The following NCBP3 variants were observed in gnomAD, a reference collection of about 807,000 sequenced individuals.
The protein encoded by NCBP3 is nuclear cap-binding protein subunit 3.
Under a neutral mutation model 75.7 loss-of-function variants are expected in NCBP3, and 20 were observed. The ratio of observed to expected loss-of-function variants is 0.26; its 90% confidence interval spans 0.19 to 0.38. The LOEUF (loss-of-function observed/expected upper bound fraction) is 0.38, where lower values mean the gene tolerates loss of function less well. Ranked by LOEUF, NCBP3 falls within the 10% of genes least tolerant of loss-of-function variation. The probability of loss-of-function intolerance (pLI) is 1.00; values close to 1 mark genes in which losing one functional copy is unlikely to be tolerated. For synonymous variants in NCBP3, 293 were observed against 290.5 expected, an observed-to-expected ratio of 1.01 and a Z score of -0.09; for missense variants, 678 against 796.9, an observed-to-expected ratio of 0.85 and a Z score of 1.80.
chr17:3,816,069 T>C lies in NCBP3; in HGVS notation c.1465+47A>G, dbSNP rs766928247. On this transcript the variant is annotated intron_variant, in intron 11 of 12. Transcript: ENST00000389005. Reference sequence around the variant, plus strand: ...GGAACCTCTCTCTGCCCCAGTCTGCTTTCCGGAGCTCAGAATCCAGCCAGG... The same window carrying C: ...GGAACCTCTCTCTGCCCCAGTCTGCCTTCCGGAGCTCAGAATCCAGCCAGG... 13 of 1,580,902 alleles carry C rather than the reference T, an allele frequency of 8.2e-6. No individual in the cohort carries two copies. In the African/African-American group the frequency reaches 1.4e-4, roughly 16 times the overall value.
intron 10 of NCBP3, among the ~76,000 whole-genome samples, chr17:3,817,412 C>T (rs932529797): frequency 6.6e-6 from 1 of 152,018 alleles, no homozygotes; most frequent in Non-Finnish European, 1.5e-5. Flanking sequence ...AGGTGGATCA[C>T]GAGGTCAGGA....
intron 2 of NCBP3, among the ~76,000 whole-genome samples, chr17:3,841,243 A>G (rs761386120): frequency 7.9e-5 from 12 of 152,120 alleles, no homozygotes; most frequent in Non-Finnish European, 1.5e-4. Flanking sequence ...CCAAAGTGCC[A>G]GGATTACAGA....
Position 3,826,156 on chromosome 17 carries a change from G to C in NCBP3, c.541C>G (p.Leu181Val), listed in dbSNP as rs776834659. ...CTTCTGATCTTATCCTGTGCAGGCA[G>C]GGAGCTCATATTGATAAGTGCTCGT... is the stretch of plus-strand genomic sequence containing the variant. ...ATRALINMSS[L>V]PAQDKIRSRD... Residue 181 changes from leucine to valine, a missense_variant, in exon 5 of 13, where the codon CTG becomes GTG. Physicochemically the swap from Leu to Val is conservative, Grantham distance 32. Transcript: ENST00000389005. 1 of 1,551,602 alleles carries C rather than the reference G, an allele frequency of 6.4e-7. No homozygotes were observed. The highest frequency in any genetic ancestry group is 8.7e-7 in the Non-Finnish European group (1 of 1,146,936).
intron 1 of NCBP3, 143 bp from the exon 2 acceptor site, chr17:3,843,294 G>A (rs1477649922): frequency 3.2e-5 from 21 of 664,532 alleles, no homozygotes; most frequent in African/African-American, 1.3e-4. Flanking sequence ...TGCCCAGGCC[G>A]GAGTGCAGTA....
rs564350539 is a variant in NCBP3, at chr17:3,846,217, C to T, written c.7G>A (p.Ala3Thr). MA[A>T]VRGLRVSVKA... The stretch of plus-strand genomic sequence containing the variant: ...ACCGACACCCGCAGGCCCCGTACGG[C>T]CGCCATCGCTGCCTGCCGGCCGCAC... Residue 3 changes from alanine to threonine, a missense_variant, in exon 1 of 13, where the codon GCC becomes ACC. Ala to Thr is a moderately conservative substitution (Grantham distance 58). Transcript: ENST00000389005. The surrounding 1 kb of genome is among the most constrained non-coding windows in gnomAD (Gnocchi z 4.6). The T allele has an allele frequency of 1.3e-4, 181 of 1,437,878 alleles. No individual in the cohort carries two copies. The highest frequency in any genetic ancestry group is 4.9e-4 in the Middle Eastern group (2 of 4,070). 89.1% of individuals were successfully genotyped at this position (1,437,878 alleles called of 1,614,324 possible). A position where few individuals can be genotyped will look rare whatever the true frequency, so the allele number is the denominator to read the frequency against.
intron 9 of NCBP3, among the ~76,000 whole-genome samples, chr17:3,820,345 A>G (rs1219090302): frequency 1.3e-5 from 2 of 152,244 alleles, no homozygotes; most frequent in Non-Finnish European, 2.9e-5. Context: ...TCCCCATTAC[A>G]ATGATAAATG....
chr17:3,822,151 C>T (rs1248488199), intron 7 of NCBP3, 99 bp from the exon 8 acceptor site: 19 of 795,134 alleles, frequency 2.4e-5, no homozygotes, highest in East Asian at 7.5e-5. Context: ...ATCAGATCAG[C>T]GCAATTTGCC....
At chr17:3,816,057 G>C in intron 11 of NCBP3, 59 bp downstream of exon 11, 1 of 1,542,368 alleles carries the variant, frequency 6.5e-7, no homozygotes, top group Non-Finnish European at 8.8e-7. Context: ...ACCTCTCTCT[G>C]CCCCAGTCTG....
At chr17:3,820,773 A>T (rs892858147) in intron 9 of NCBP3, among the ~76,000 whole-genome samples, 3 of 152,130 alleles carry the variant, frequency 2.0e-5, no homozygotes, top group Non-Finnish European at 4.4e-5. Flanking sequence ...TCTACTAAAA[A>T]TACAAAAGTT....
At chr17:3,825,944 T>C in intron 5 of NCBP3, 101 bp from the exon 6 acceptor site, 1 of 1,404,656 alleles carries the variant, frequency 7.1e-7, no homozygotes, top group Non-Finnish European at 9.8e-7. Context: ...TCCAGTATTT[T>C]CTCCTATTTC....
intron 7 of NCBP3, among the ~76,000 whole-genome samples, chr17:3,823,230 G>C (rs1206805587): frequency 6.6e-6 from 1 of 152,162 alleles, no homozygotes; most frequent in Non-Finnish European, 1.5e-5. Flanking sequence ...AGAATTGCTT[G>C]AACCCAGGAG....
intron 3 of NCBP3, among the ~76,000 whole-genome samples, chr17:3,838,351 G>A (rs2054011196): frequency 2.0e-5 from 3 of 152,244 alleles, no homozygotes; most frequent in South Asian, 2.1e-4. Context: ...AAGCTATGAC[G>A]CCCTCGCGGT....
In NCBP3 at chr17:3,812,023, C is replaced by T. The variant is rs73974130; in HGVS notation, c.*1021G>A. On this transcript the variant is annotated 3_prime_UTR_variant, in exon 13 of 13. Transcript: ENST00000389005. ...CTAGAGTGATAATAAACAACAGGAC[C>T]CCATCTCAGATGGATGGATTTTTTT... 32 of 152,078 alleles carry T rather than the reference C, an allele frequency of 2.1e-4. No homozygotes were observed. The highest frequency in any genetic ancestry group is 7.2e-4 in the African/African-American group (30 of 41,464). 9.4% of individuals were successfully genotyped at this position (152,078 alleles called of 1,614,324 possible). A position where few individuals can be genotyped will look rare whatever the true frequency, so the allele number is the denominator to read the frequency against.
intron 12 of NCBP3, 29 bp downstream of exon 12, chr17:3,814,293 C>CA: frequency 6.2e-7 from 1 of 1,611,476 alleles, no homozygotes; most frequent in African/African-American, 1.3e-5. Flanking sequence ...ACTGAATCCC[C>CA]ATTCCCATCC....
chr17:3,832,457 C>A lies in NCBP3; in HGVS notation c.356-3089G>T, dbSNP rs538407890. Among the ~76,000 whole-genome samples the A allele has an allele frequency of 4.3e-5, 5 of 116,340 alleles. 2 individuals are homozygous for A. The highest frequency in any genetic ancestry group is 6.8e-4 in the East Asian group (2 of 2,924). 76.3% of individuals were successfully genotyped at this position (116,340 alleles called of 152,430 possible). On this transcript the variant is annotated intron_variant, in intron 3 of 12. Transcript: ENST00000389005. ...CATCCTGGCCAACACGGTGAAACCC[C>A]GTCTCTACTAAAAATACAAAACAAT...
At chr17:3,820,921 C>G (rs1366450950) in intron 9 of NCBP3, among the ~76,000 whole-genome samples, 1 of 148,488 alleles carries the variant, frequency 6.7e-6, no homozygotes. Context: ...CAGAGCGAGA[C>G]TCCGTCTTAA....
chr17:3,846,155 G>A lies in NCBP3; in HGVS notation c.69C>T (p.Leu23=), dbSNP rs2054160935. 4 of 1,537,240 alleles carry A rather than the reference G, an allele frequency of 2.6e-6. No individual in the cohort carries two copies. Among genetic ancestry groups the A allele is most frequent in the African/African-American group, 1.4e-5 (1 of 70,680 alleles). Residue 23 remains leucine, a synonymous_variant, in exon 1 of 13, where the codon CTC becomes CTT. Transcript: ENST00000389005. This position sits in a 1 kb window ranked among gnomAD's most constrained non-coding sequence, Gnocchi z 4.6. ...CACCGGACTCCGCCTCAGGGGACGG[G>A]AGCCCCAGGGCCGGCCCCGCCGGGG... ...AEAPAGPALG[L]PSPEAESGVD...
rs1199875283 is a variant in NCBP3, at chr17:3,805,742, C to G, written c.*7302G>C. On this transcript the variant is annotated 3_prime_UTR_variant, in exon 13 of 13. Coordinates refer to ENST00000389005, the MANE Select transcript of NCBP3 (RefSeq NM_001114118.3). Reference sequence around the variant, plus strand: ...TCTTTCCTGCTATCTAGCCCACACCCCTGATGCTCCCCGGAAAGGAGAGCA... The same window carrying G: ...TCTTTCCTGCTATCTAGCCCACACCGCTGATGCTCCCCGGAAAGGAGAGCA... 1 of 152,280 alleles carries G rather than the reference C, an allele frequency of 6.6e-6. No homozygotes were observed. The highest frequency in any genetic ancestry group is 1.9e-4 in the East Asian group (1 of 5,204). 9.4% of individuals were successfully genotyped at this position (152,280 alleles called of 1,614,324 possible). A position where few individuals can be genotyped will look rare whatever the true frequency, so the allele number is the denominator to read the frequency against.
rs1228107960 is a variant in NCBP3, at chr17:3,803,524, C to T, written c.*9520G>A. 1 of 152,186 alleles carries T rather than the reference C, an allele frequency of 6.6e-6. No individual in the cohort carries two copies. The highest frequency in any genetic ancestry group is 1.9e-4 in the East Asian group (1 of 5,198). The allele number at this position is 152,186 out of a possible 1,614,324, so 9.4% of individuals were successfully genotyped here. ...GCTGTCCCTGTTCTTGGGAAATGTT[C>T]ACTAAAACATCTTACGGATAAACGA... is the stretch of plus-strand genomic sequence containing the variant. On this transcript the variant is annotated 3_prime_UTR_variant, in exon 13 of 13. Transcript: ENST00000389005.
Sources: gnomAD v4.1 joint callset for allele counts (sites outside exome capture counted in the v4.1 genomes callset) on GRCh38, gnomAD v4.1.1 for gene constraint, Gnocchi (gnomAD v3.1) non-coding constraint, MANE v1.5 for transcripts, NCBI Gene and HGNC (gene_info 2026-07-23, HGNC 2026-07-21) for gene names.